The following RHPN2 variants were observed in gnomAD, a reference collection of about 807,000 sequenced individuals.
RHPN2 encodes the protein rhophilin-2.
In RHPN2, 40 loss-of-function variants were observed where a neutral mutation model predicts 79.0. The ratio of observed to expected loss-of-function variants is 0.51; its 90% CI spans 0.39 to 0.66. RHPN2 has a LOEUF of 0.66. Ranked by LOEUF, RHPN2 falls within the 30% of genes least tolerant of loss-of-function variation. The pLI is 0.00. For synonymous variants in RHPN2, 285 were observed against 363.5 expected (o/e 0.78, Z 2.46); for missense variants, 686 against 883.5 (o/e 0.78, Z 2.83).
intron 2 of RHPN2, among the ~76,000 whole-genome samples, chr19:33,043,314 G>A (rs1033026960): frequency 2.0e-5 from 3 of 152,146 alleles, no homozygotes; most frequent in Non-Finnish European, 4.4e-5. Context: ...ACTTTGCGAG[G>A]TGGAGGCAGA....
At chr19:32,985,796 T>A (rs578242527) in intron 14 of RHPN2, among the ~76,000 whole-genome samples, 2 of 152,194 alleles carry the variant, frequency 1.3e-5, no homozygotes, top group African/African-American at 2.4e-5. Flanking sequence ...CACATCCTGC[T>A]AATTTTTGTA....
chr19:32,983,417 C>A, intron 14 of RHPN2, among the ~76,000 whole-genome samples: 1 of 151,420 alleles, frequency 6.6e-6, no homozygotes. Flanking sequence ...GAGGCTGAGG[C>A]AGGAGAATGG....
At chr19:33,023,067 A>G (rs750998311) in intron 3 of RHPN2, among the ~76,000 whole-genome samples, 1 of 152,090 alleles carries the variant, frequency 6.6e-6, no homozygotes, top group South Asian at 2.1e-4. Context: ...CCATGAGGTT[A>G]TTTCTTTCCC....
intron 1 of RHPN2, among the ~76,000 whole-genome samples, chr19:33,054,817 T>C (rs1436287199): frequency 6.6e-6 from 1 of 152,194 alleles, no homozygotes; most frequent in Non-Finnish European, 1.5e-5. Flanking sequence ...TCAGGTGGTG[T>C]CGTGGCAACC....
At chr19:33,017,426 T>A (rs1450146960) in intron 4 of RHPN2, among the ~76,000 whole-genome samples, 1 of 151,684 alleles carries the variant, frequency 6.6e-6, no homozygotes, top group African/African-American at 2.4e-5. Flanking sequence ...AACAGACAAA[T>A]TAAATCGTAA....
chr19:33,014,250 C>A (rs911266011), intron 4 of RHPN2, among the ~76,000 whole-genome samples: 1 of 152,124 alleles, frequency 6.6e-6, no homozygotes, highest in African/African-American at 2.4e-5. Context: ...CACAAACAGA[C>A]AAACACTTGT....
intron 3 of RHPN2, among the ~76,000 whole-genome samples, chr19:33,026,303 G>A (rs1473243942): frequency 6.6e-6 from 1 of 152,024 alleles, no homozygotes; most frequent in African/African-American, 2.4e-5. Flanking sequence ...GTCCAACACT[G>A]CAGGTATTTC....
intron 2 of RHPN2, among the ~76,000 whole-genome samples, chr19:33,034,435 C>A (rs1475227491): frequency 6.6e-6 from 1 of 151,806 alleles, no homozygotes; most frequent in Non-Finnish European, 1.5e-5. Context: ...GAAACCCTGT[C>A]TCTACTAAAA....
chr19:33,027,002 A>G (rs1347636025), intron 2 of RHPN2: 1 of 335,002 alleles, frequency 3.0e-6, no homozygotes, highest in African/African-American at 2.1e-5. Context: ...TACGTCTGTA[A>G]TCCCAGCACT....
chr19:33,017,522 T>G (rs1399933660), intron 4 of RHPN2, among the ~76,000 whole-genome samples: 2 of 151,992 alleles, frequency 1.3e-5, no homozygotes, highest in Non-Finnish European at 2.9e-5. Context: ...TCACATCTAT[T>G]TTTGCATTTA....
chr19:32,990,712 C>T, intron 13 of RHPN2, 43 bp from the exon 14 acceptor site: 2 of 1,612,148 alleles, frequency 1.2e-6, no homozygotes, highest in Non-Finnish European at 1.7e-6. Flanking sequence ...TTTGTTCACT[C>T]AAATCCTTGA....
chr19:33,062,800 A>AAT (rs201374590), intron 1 of RHPN2, among the ~76,000 whole-genome samples: 4,622 of 136,130 alleles, frequency 0.034, 106 homozygotes, highest in South Asian at 0.062. Context: ...TAATAATAAT[A>AAT]ATAATTAATA....
intron 3 of RHPN2, among the ~76,000 whole-genome samples, chr19:33,025,029 G>T (rs1246163235): frequency 1.3e-5 from 2 of 152,094 alleles, no homozygotes; most frequent in Admixed American, 6.6e-5. Flanking sequence ...GGGATTACAG[G>T]CATAAGGCAA....
chr19:32,996,257 T>A, intron 10 of RHPN2, 37 bp from the exon 11 acceptor site: 1 of 1,612,748 alleles, frequency 6.2e-7, no homozygotes, highest in African/African-American at 1.3e-5. Context: ...GACTTGCAGA[T>A]CCACCAAGCA....
At chr19:33,061,211 C>T (rs200425942) in intron 1 of RHPN2, among the ~76,000 whole-genome samples, 1 of 150,254 alleles carries the variant, frequency 6.7e-6, no homozygotes, top group Non-Finnish European at 1.5e-5. Flanking sequence ...TTCACCTGGA[C>T]AGCACCTGCC....
At chr19:33,022,494 G>A (rs1230829762) in intron 3 of RHPN2, among the ~76,000 whole-genome samples, 11 of 152,148 alleles carry the variant, frequency 7.2e-5, no homozygotes, top group South Asian at 6.2e-4. Context: ...TCCCACCACC[G>A]GCACAGGAGA....
Position 33,008,183 on chromosome 19 carries a change from A to G in RHPN2, c.594-3T>C. The G allele has an allele frequency of 2.5e-6, 4 of 1,613,168 alleles. No homozygotes were observed. Among genetic ancestry groups the G allele is most frequent in the Non-Finnish European group, 3.4e-6 (4 of 1,179,616 alleles). On this transcript the variant is annotated splice_region_variant and splice_polypyrimidine_tract_variant and intron_variant, in intron 6 of 14. Coordinates refer to ENST00000254260, the MANE Select transcript of RHPN2 (RefSeq NM_033103.5). ...GAACCCCGGTGAGAGAGTCATACCT[A>G]TGTGAAAGAAATGCATTCCGAGAAT...
intron 14 of RHPN2, among the ~76,000 whole-genome samples, chr19:32,985,348 A>G (rs1245518334): frequency 6.6e-6 from 1 of 151,986 alleles, no homozygotes; most frequent in East Asian, 1.9e-4. Context: ...AACAAAAGAA[A>G]TTATTTGGCC....
At chr19:33,023,601 C>T (rs906810048) in intron 3 of RHPN2, among the ~76,000 whole-genome samples, 96 of 150,988 alleles carry the variant, frequency 6.4e-4, no homozygotes, top group African/African-American at 1.8e-3. Context: ...TCCTGGCTAA[C>T]GGTGAAACCC....
Sources: allele counts gnomAD v4.1 joint callset (sites outside exome capture counted in the v4.1 genomes callset), GRCh38; gene constraint gnomAD v4.1.1; transcripts MANE v1.5; gene names NCBI Gene and HGNC (gene_info 2026-07-23, HGNC 2026-07-21).